The following MTMR7 variants were observed in gnomAD, a reference collection of about 807,000 sequenced individuals.
The protein encoded by MTMR7 is phosphatidylinositol-3-phosphate phosphatase MTMR7.
A neutral mutation model predicts 81.2 loss-of-function variants in MTMR7; 76 were observed. The ratio of observed to expected loss-of-function variants is 0.94; its 90% CI spans 0.78 to 1.13. MTMR7 has a LOEUF of 1.13. MTMR7 is among the 50% of genes most tolerant of loss of function. The pLI, the probability that MTMR7 is intolerant of heterozygous loss-of-function variation, is 0.00. For synonymous variants in MTMR7, 372 were observed against 289.8 expected, an observed-to-expected ratio of 1.28 and a Z score of -2.88; for missense variants, 1,044 against 820.0, an observed-to-expected ratio of 1.27 and a Z score of -3.34.
intron 2 of MTMR7, among the ~76,000 whole-genome samples, chr8:17,371,867 T>G (rs1820433218): frequency 1.3e-5 from 2 of 150,668 alleles, no homozygotes; most frequent in South Asian, 2.1e-4. Flanking sequence ...TTTTTTTTTT[T>G]TTTTTTTTAC....
intron 7 of MTMR7, among the ~76,000 whole-genome samples, chr8:17,320,072 T>C (rs1818302439): frequency 6.6e-6 from 1 of 152,184 alleles, no homozygotes; most frequent in East Asian, 1.9e-4. Context: ...ACTGATAATG[T>C]TGAAATAACA....
In MTMR7 at chr8:17,336,195, A is replaced by G. The variant is rs189636794; in HGVS notation, c.733-4913T>C. Among the ~76,000 whole-genome samples the G allele has an allele frequency of 3.6e-3, 545 of 152,052 alleles. 8 individuals are homozygous for G. The highest frequency in any genetic ancestry group is 0.013 in the African/African-American group (525 of 41,398). The stretch of plus-strand genomic sequence containing the variant: ...AGGAGATGCGCCTTGGCTTGAGTCT[A>G]TTCCAGTACGCTCAACTTCCCTCAC... On this transcript the variant is annotated intron_variant, in intron 6 of 13. Coordinates refer to ENST00000180173, the MANE Select transcript of MTMR7 (RefSeq NM_004686.5).
chr8:17,347,189 G>C (rs1586227665), intron 5 of MTMR7, among the ~76,000 whole-genome samples: 1 of 136,534 alleles, frequency 7.3e-6, no homozygotes, highest in African/African-American at 2.8e-5. Context: ...GTGAGATCTT[G>C]TTTCCGAAAA....
intron 5 of MTMR7, among the ~76,000 whole-genome samples, chr8:17,344,113 C>A (rs367781375): frequency 6.6e-6 from 1 of 152,102 alleles, no homozygotes; most frequent in Non-Finnish European, 1.5e-5. Flanking sequence ...TTATCATATA[C>A]AATAAGACCT....
In MTMR7 at chr8:17,302,282, TGGAAA is replaced by T; in HGVS notation, c.1494-7_1494-3del. The T allele has an allele frequency of 6.2e-7, 1 of 1,612,358 alleles. No homozygotes were observed. ...CGGTTATACATTCCACTCCAAAACCTGGAAAGGATGGCAAAGCGTCGTGATACCAC... is the reference window on the plus strand; with the variant it reads ...CGGTTATACATTCCACTCCAAAACCTGGATGGCAAAGCGTCGTGATACCAC... On this transcript the variant is annotated splice_polypyrimidine_tract_variant and splice_region_variant and intron_variant, in intron 12 of 13. Coordinates refer to ENST00000180173, the MANE Select transcript of MTMR7 (RefSeq NM_004686.5).
At chr8:17,382,208 G>C (rs1820780514) in intron 1 of MTMR7, among the ~76,000 whole-genome samples, 1 of 152,184 alleles carries the variant, frequency 6.6e-6, no homozygotes, top group Non-Finnish European at 1.5e-5. Flanking sequence ...CTCTGAAGCT[G>C]GCCCAGAGGC....
chr8:17,371,851 GTTTTTTT>G (rs33920646), intron 2 of MTMR7, among the ~76,000 whole-genome samples: 2 of 104,814 alleles, frequency 1.9e-5, no homozygotes, highest in Admixed American at 1.0e-4. Context: ...CTTACCTATA[GTTTTTTT>G]TTTTTTTTTT....
At chr8:17,385,447 G>T (rs1820904566) in intron 1 of MTMR7, among the ~76,000 whole-genome samples, 1 of 152,134 alleles carries the variant, frequency 6.6e-6, no homozygotes, top group Non-Finnish European at 1.5e-5. Flanking sequence ...CATGACATCT[G>T]ATGGTTTTAT....
chr8:17,412,991 A>G (rs1393963037), intron 1 of MTMR7, among the ~76,000 whole-genome samples: 1 of 152,218 alleles, frequency 6.6e-6, no homozygotes, highest in Non-Finnish European at 1.5e-5. Flanking sequence ...CTAGCAGACA[A>G]CTGAGGTTCC....
At chr8:17,306,099 A>G in intron 10 of MTMR7, 142 bp from the exon 11 acceptor site, 1 of 688,088 alleles carries the variant, frequency 1.5e-6, no homozygotes, top group Non-Finnish European at 2.3e-6. Flanking sequence ...AAAAGGTAGA[A>G]AAGTTAAGAT....
At chr8:17,310,630 T>C (rs1188385915) in intron 9 of MTMR7, among the ~76,000 whole-genome samples, 1 of 152,164 alleles carries the variant, frequency 6.6e-6, no homozygotes, top group Non-Finnish European at 1.5e-5. Context: ...GAGGTGTCAA[T>C]GCTATCACAG....
At position 17,320,308 on chromosome 8, in the gene MTMR7, G is replaced by A. The variant is rs77132589; in HGVS notation, c.866-6907C>T. Among the ~76,000 whole-genome samples, 248 of 152,188 alleles carry A rather than the reference G, an allele frequency of 1.6e-3. 1 individual carries two copies. The highest frequency in any genetic ancestry group is 2.8e-3 in the Non-Finnish European group (192 of 68,020). ...TGATCAAAAGTCTTCAAACATTTTT[G>A]CACATGTACCTCTAAAATAAAATAT... On this transcript the variant is annotated intron_variant, in intron 7 of 13. Transcript: ENST00000180173.
At chr8:17,372,798 C>G (rs557851602) in intron 2 of MTMR7, among the ~76,000 whole-genome samples, 1 of 152,148 alleles carries the variant, frequency 6.6e-6, no homozygotes, top group South Asian at 2.1e-4. Flanking sequence ...AAATGGAGCA[C>G]TGGAGGATGA....
At chr8:17,343,741 G>C (rs535362594) in intron 5 of MTMR7, among the ~76,000 whole-genome samples, 2 of 152,332 alleles carry the variant, frequency 1.3e-5, no homozygotes, top group South Asian at 2.1e-4. Context: ...GTATTTTGTA[G>C]TTAGATTTTC....
chr8:17,317,325 C>T (rs977116394), intron 7 of MTMR7, among the ~76,000 whole-genome samples: 3 of 152,186 alleles, frequency 2.0e-5, no homozygotes, highest in East Asian at 1.9e-4. Context: ...GTAACATCTG[C>T]GAGTCCTTTG....
At chr8:17,304,632 C>G in intron 11 of MTMR7, 113 bp from the exon 12 acceptor site, 2 of 1,078,092 alleles carry the variant, frequency 1.9e-6, no homozygotes, top group Non-Finnish European at 2.7e-6. Context: ...AACCACGTGT[C>G]TGTTCGATAG....
At chr8:17,357,359 A>G (rs1586240901) in intron 4 of MTMR7, among the ~76,000 whole-genome samples, 1 of 152,242 alleles carries the variant, frequency 6.6e-6, no homozygotes, top group South Asian at 2.1e-4. Context: ...AACGAAATGG[A>G]TGACAAATAC....
chr8:17,370,856 G>A (rs1820396592), intron 3 of MTMR7, among the ~76,000 whole-genome samples, 181 bp downstream of exon 3: 1 of 151,994 alleles, frequency 6.6e-6, no homozygotes, highest in South Asian at 2.1e-4. Context: ...ACTCGGGGGA[G>A]ACTCTAAAAA....
At chr8:17,351,823 A>G (rs1015545750) in intron 4 of MTMR7, among the ~76,000 whole-genome samples, 3 of 152,234 alleles carry the variant, frequency 2.0e-5, no homozygotes, top group Non-Finnish European at 4.4e-5. Flanking sequence ...ACACGGGAAG[A>G]TACAACCTCT....
Sources: gnomAD v4.1 joint callset for allele counts (sites outside exome capture counted in the v4.1 genomes callset) on GRCh38, gnomAD v4.1.1 for gene constraint, MANE v1.5 for transcripts, NCBI Gene and HGNC (gene_info 2026-07-23, HGNC 2026-07-21) for gene names.